Variants in ALKBH8 observed in about 807,000 individuals in gnomAD.
The protein encoded by ALKBH8 is alkB homolog 8, tRNA methyltransferase.
Under a neutral mutation model 59.8 loss-of-function variants are expected in ALKBH8, and 36 were observed. The observed-to-expected ratio is 0.60, with a 90% CI of 0.46 to 0.79. The LOEUF is 0.79. Ranked by LOEUF, ALKBH8 falls within the 30% of genes least tolerant of loss-of-function variation. The pLI is 0.00. For synonymous variants in ALKBH8, 276 were observed against 273.6 expected, an observed-to-expected ratio of 1.01 and a Z score of -0.09; for missense variants, 768 against 801.0, an observed-to-expected ratio of 0.96 and a Z score of 0.50.
At chr11:107,521,248 G>C (rs118055531) in intron 10 of ALKBH8, among the ~76,000 whole-genome samples, 2,010 of 152,230 alleles carry the variant, frequency 0.013, 24 homozygotes, top group South Asian at 0.034. Flanking sequence ...GCCCCACAAA[G>C]AACAGCCACT....
intron 2 of ALKBH8, among the ~76,000 whole-genome samples, chr11:107,558,132 T>C (rs2135588758): frequency 6.6e-6 from 1 of 152,346 alleles, no homozygotes; most frequent in South Asian, 2.1e-4. Context: ...AGGACAGTAG[T>C]TTGCCAACCC....
At chr11:107,519,845 C>T (rs1347432762) in intron 10 of ALKBH8, among the ~76,000 whole-genome samples, 2 of 152,112 alleles carry the variant, frequency 1.3e-5, no homozygotes, top group Non-Finnish European at 2.9e-5. Context: ...AGGAGAGCTA[C>T]TTACTATCTC....
At chr11:107,528,138 C>G (rs1863429355) in intron 8 of ALKBH8, among the ~76,000 whole-genome samples, 1 of 152,078 alleles carries the variant, frequency 6.6e-6, no homozygotes, top group Admixed American at 6.6e-5. Flanking sequence ...TAAACCAACT[C>G]TGAAATACTG....
At chr11:107,511,417 A>C (rs1862619105) in intron 10 of ALKBH8, among the ~76,000 whole-genome samples, 1 of 152,134 alleles carries the variant, frequency 6.6e-6, no homozygotes, top group Admixed American at 6.6e-5. Flanking sequence ...TTTTAGGGGG[A>C]GCTGCAAATA....
Position 107,504,058 on chromosome 11 carries a change from C to G in ALKBH8, c.*600G>C, listed in dbSNP as rs1004353690. The G allele has an allele frequency of 1.9e-5, 3 of 155,326 alleles. No individual in the cohort carries two copies. The highest frequency in any genetic ancestry group is 4.8e-5 in the African/African-American group (2 of 41,512). The allele number at this position is 155,326 out of a possible 1,614,324, so 9.6% of individuals were successfully genotyped here. A position where few individuals can be genotyped will look rare whatever the true frequency, so the allele number is the denominator to read the frequency against. On this transcript the variant is annotated 3_prime_UTR_variant, in exon 12 of 12. Coordinates refer to ENST00000428149, the MANE Select transcript of ALKBH8 (RefSeq NM_138775.3). ...CTTATTCACTGCTTCATTATCAGTA[C>G]TTAAAATAGTAACTGGTACATGGTT...
chr11:107,504,332 C>T lies in ALKBH8; in HGVS notation c.*326G>A, dbSNP rs145965917. The T allele has an allele frequency of 3.6e-6, 2 of 549,586 alleles. No homozygotes were observed. The highest frequency in any genetic ancestry group is 6.4e-6 in the Non-Finnish European group (2 of 314,208). 34.0% of individuals were successfully genotyped at this position (549,586 alleles called of 1,614,324 possible). A position where few individuals can be genotyped will look rare whatever the true frequency, so the allele number is the denominator to read the frequency against. On this transcript the variant is annotated 3_prime_UTR_variant, in exon 12 of 12. Coordinates refer to ENST00000428149, the MANE Select transcript of ALKBH8 (RefSeq NM_138775.3). ...CCCTAAAATCCTACATGATTTACTACATTTAGTAGCACTTTACTAAAAAAC... is the reference window on the plus strand; with the variant it reads ...CCCTAAAATCCTACATGATTTACTATATTTAGTAGCACTTTACTAAAAAAC...
In ALKBH8 at chr11:107,522,332, T is replaced by G. The variant is rs373418821; in HGVS notation, c.1254A>C (p.Gly418=). ...ACTCCTTATTGATGCCAAGATACTT[T>G]CCATTACCACATCCAATATCAGCCA... ...SIVADIGCGN[G]KYLGINKELY... Residue 418 remains glycine (G), a synonymous_variant, in exon 10 of 12, where the codon GGA becomes GGC. Transcript: ENST00000428149. 3 of 1,551,514 alleles carry G rather than the reference T, an allele frequency of 1.9e-6. No individual in the cohort carries two copies. In the African/African-American group the frequency reaches 4.1e-5, roughly 21 times the overall value.
intron 1 of ALKBH8, 121 bp from the exon 2 acceptor site, chr11:107,561,020 T>C: frequency 1.2e-6 from 1 of 842,166 alleles, no homozygotes; most frequent in Non-Finnish European, 1.8e-6. Flanking sequence ...TTAAAAATGC[T>C]TCATTTACCT....
intron 2 of ALKBH8, among the ~76,000 whole-genome samples, chr11:107,558,069 A>G (rs1864788857): frequency 6.6e-6 from 1 of 152,194 alleles, no homozygotes; most frequent in Non-Finnish European, 1.5e-5. Context: ...TTATTTTTTA[A>G]CACTTTAAGA....
chr11:107,526,389 T>A (rs1288717077), intron 8 of ALKBH8, among the ~76,000 whole-genome samples: 1 of 152,050 alleles, frequency 6.6e-6, no homozygotes, highest in Non-Finnish European at 1.5e-5. Context: ...CATCTTTTCA[T>A]GTGCTTATTA....
Position 107,504,329 on chromosome 11 carries a change from C to CTACA in ALKBH8, c.*325_*328dup, listed in dbSNP as rs1591233317. On this transcript the variant is annotated 3_prime_UTR_variant, in exon 12 of 12. Transcript: ENST00000428149. Reference sequence around the variant, plus strand: ...CATCCCTAAAATCCTACATGATTTACTACATTTAGTAGCACTTTACTAAAA... The same window carrying CTACA: ...CATCCCTAAAATCCTACATGATTTACTACATACATTTAGTAGCACTTTACTAAAA... 5.5e-6 allele frequency: 3 copies of CTACA among 543,546 alleles called. No individual in the cohort carries two copies. In the East Asian group the frequency reaches 9.0e-5, roughly 16 times the overall value. The allele number at this position is 543,546 out of a possible 1,614,324, so 33.7% of individuals were successfully genotyped here.
intron 10 of ALKBH8, among the ~76,000 whole-genome samples, chr11:107,515,028 G>A (rs1254165038): frequency 2.0e-5 from 3 of 152,238 alleles, no homozygotes; most frequent in East Asian, 3.9e-4. Context: ...TAGCAATAAA[G>A]CATCAGATCT....
At chr11:107,508,234 G>C (rs1280964919) in intron 11 of ALKBH8, among the ~76,000 whole-genome samples, 4 of 148,786 alleles carry the variant, frequency 2.7e-5, no homozygotes, top group African/African-American at 1.0e-4. Flanking sequence ...CAGTGGGCAC[G>C]ATCTCGGCTC....
intron 8 of ALKBH8, among the ~76,000 whole-genome samples, chr11:107,526,962 A>T (rs929999483): frequency 1.3e-5 from 2 of 152,002 alleles, no homozygotes; most frequent in Non-Finnish European, 2.9e-5. Flanking sequence ...TATTTTGATT[A>T]TATAGCCATA....
chr11:107,511,152 G>T, intron 10 of ALKBH8, 116 bp from the exon 11 acceptor site: 3 of 1,061,210 alleles, frequency 2.8e-6, no homozygotes, highest in Non-Finnish European at 4.1e-6. Context: ...ATTGTGAAAT[G>T]GTCTGAGACC....
chr11:107,547,245 T>G (rs973582878), intron 7 of ALKBH8, among the ~76,000 whole-genome samples: 3 of 152,206 alleles, frequency 2.0e-5, no homozygotes, highest in African/African-American at 7.2e-5. Flanking sequence ...GGTATAGTAC[T>G]CAGATTCTAG....
chr11:107,519,307 G>A (rs188673317), intron 10 of ALKBH8, among the ~76,000 whole-genome samples: 54 of 152,102 alleles, frequency 3.6e-4, no homozygotes, highest in Non-Finnish European at 6.5e-4. Flanking sequence ...GTTTCTCCAC[G>A]TTGGTCAGGC....
intron 8 of ALKBH8, among the ~76,000 whole-genome samples, chr11:107,531,020 A>G (rs1270953661): frequency 6.6e-6 from 1 of 152,132 alleles, no homozygotes; most frequent in Non-Finnish European, 1.5e-5. Context: ...AGAAAAGAAA[A>G]TGTCATTATT....
chr11:107,523,259 A>G (rs1374761724), intron 9 of ALKBH8, among the ~76,000 whole-genome samples: 4 of 152,192 alleles, frequency 2.6e-5, no homozygotes, highest in Non-Finnish European at 5.9e-5. Context: ...CATATACACA[A>G]CAGAATACTA....
Sources: gnomAD v4.1 joint callset for allele counts (sites outside exome capture counted in the v4.1 genomes callset) on GRCh38, gnomAD v4.1.1 for gene constraint, MANE v1.5 for transcripts, NCBI Gene and HGNC (gene_info 2026-07-23, HGNC 2026-07-21) for gene names.